PRKACB: variants seen among roughly 807,000 people sequenced by gnomAD.
The protein encoded by PRKACB is cAMP-dependent protein kinase catalytic subunit beta.
PRKACB carries 16 observed loss-of-function variants against 51.4 expected under a neutral mutation model. The ratio of observed to expected loss-of-function variants is 0.31; its 90% confidence interval spans 0.21 to 0.47. PRKACB has a LOEUF of 0.47. Among genes scored for constraint, PRKACB ranks in the 20% least tolerant of loss-of-function variants. The pLI, the probability that PRKACB is intolerant of heterozygous loss-of-function variation, is 1.00. For synonymous variants in PRKACB, 147 were observed against 154.4 expected (o/e 0.95, Z 0.35); for missense variants, 309 against 464.5 (o/e 0.67, Z 3.08).
intron 1 of PRKACB, among the ~76,000 whole-genome samples, chr1:84,159,878 G>A (rs559245242): frequency 8.5e-5 from 13 of 152,156 alleles, no homozygotes; most frequent in South Asian, 2.1e-4. Context: ...AACATAGTTC[G>A]TTAATTGATT....
intron 1 of PRKACB, among the ~76,000 whole-genome samples, chr1:84,103,588 G>A (rs1649514079): frequency 6.6e-6 from 1 of 152,130 alleles, no homozygotes; most frequent in Non-Finnish European, 1.5e-5. Flanking sequence ...GACCTCATTT[G>A]GGCTGTTCCA....
chr1:84,103,087 T>A (rs1173591966), intron 1 of PRKACB, among the ~76,000 whole-genome samples: 2 of 152,158 alleles, frequency 1.3e-5, no homozygotes, highest in African/African-American at 2.4e-5. Context: ...TTAGATTACA[T>A]CCTGGACCTT....
At chr1:84,143,912 T>C (rs1405462551), upstream of PRKACB, among the ~76,000 whole-genome samples, 1 of 152,162 alleles carries the variant, frequency 6.6e-6, no homozygotes, top group African/African-American at 2.4e-5. Context: ...ATAAAATCTG[T>C]ATATTAGTTG....
intron 5 of PRKACB, among the ~76,000 whole-genome samples, chr1:84,186,070 G>C (rs1414878121): frequency 6.6e-6 from 1 of 152,090 alleles, no homozygotes; most frequent in Non-Finnish European, 1.5e-5. Context: ...TGGGGAGCTG[G>C]CAAGCTCTGA....
chr1:84,166,456 C>G (rs906394915), intron 1 of PRKACB, among the ~76,000 whole-genome samples: 2 of 151,570 alleles, frequency 1.3e-5, no homozygotes, highest in Non-Finnish European at 3.0e-5. Context: ...TTCACTATTG[C>G]TTTATTTTTC....
At chr1:84,183,987 T>G (rs751460467) in intron 3 of PRKACB, 50 bp from the exon 4 acceptor site, 3 of 1,469,162 alleles carry the variant, frequency 2.0e-6, no homozygotes, top group Middle Eastern at 2.0e-4. Context: ...AAATGATAAC[T>G]TTTTAATTTT....
At chr1:84,175,890 C>T (rs1454733757) in intron 1 of PRKACB, 1 of 1,101,972 alleles carries the variant, frequency 9.1e-7, no homozygotes, top group South Asian at 2.2e-5. Flanking sequence ...AAAATGTATA[C>T]TTTTGGGAAT....
At chr1:84,185,041 A>G (rs1444568643) in intron 4 of PRKACB, 59 bp from the exon 5 acceptor site, 2 of 1,000,136 alleles carry the variant, frequency 2.0e-6, no homozygotes, top group Admixed American at 5.4e-5. Context: ...GCATTATATA[A>G]TATTAAAATA....
chr1:84,195,593 A>C (rs1257386278), intron 5 of PRKACB, among the ~76,000 whole-genome samples: 4 of 152,204 alleles, frequency 2.6e-5, no homozygotes, highest in Non-Finnish European at 4.4e-5. Context: ...CATCAAAATT[A>C]CACTGATCTA....
intron 1 of PRKACB, among the ~76,000 whole-genome samples, chr1:84,174,349 C>T (rs1362019269): frequency 1.3e-5 from 2 of 151,822 alleles, no homozygotes; most frequent in Non-Finnish European, 2.9e-5. Flanking sequence ...ATGCTGTATT[C>T]TCTATTATGC....
At chr1:84,197,146 T>A (rs184180310) in intron 6 of PRKACB, among the ~76,000 whole-genome samples, 2 of 152,278 alleles carry the variant, frequency 1.3e-5, no homozygotes, top group East Asian at 3.9e-4. Context: ...AGCCAATAAA[T>A]GGTAGAGTCA....
At chr1:84,234,517 C>T (rs925763875) in intron 9 of PRKACB, among the ~76,000 whole-genome samples, 3 of 152,162 alleles carry the variant, frequency 2.0e-5, no homozygotes, top group African/African-American at 7.2e-5. Context: ...CCCAGCCTCA[C>T]TGCCACCTTG....
intron 1 of PRKACB, among the ~76,000 whole-genome samples, chr1:84,150,764 T>G (rs1006052916): frequency 1.3e-5 from 2 of 152,140 alleles, no homozygotes; most frequent in Non-Finnish European, 2.9e-5. Flanking sequence ...TGCAGAACCA[T>G]GAGCCAAAAT....
chr1:84,112,537 G>A (rs1025177861), intron 1 of PRKACB, among the ~76,000 whole-genome samples: 7 of 152,004 alleles, frequency 4.6e-5, no homozygotes, highest in African/African-American at 1.4e-4. Context: ...ATACCTGGCC[G>A]TACTTTTTAA....
chr1:84,120,042 A>G (rs1017360331), intron 1 of PRKACB, among the ~76,000 whole-genome samples: 1 of 152,106 alleles, frequency 6.6e-6, no homozygotes, highest in Admixed American at 6.6e-5. Context: ...TCACTCAAAC[A>G]GAAGTAACTT....
intron 8 of PRKACB, among the ~76,000 whole-genome samples, chr1:84,210,231 A>C (rs1010104769): frequency 2.0e-5 from 3 of 152,170 alleles, no homozygotes; most frequent in Admixed American, 6.6e-5. Context: ...TGGTTGGAAA[A>C]CAATCCTAAA....
chr1:84,196,599 G>C lies in PRKACB; in HGVS notation c.561-17G>C. The C allele has an allele frequency of 6.2e-7, 1 of 1,601,572 alleles. No homozygotes were observed. The highest frequency in any genetic ancestry group is 2.3e-5 in the East Asian group (1 of 44,418). ...AACTCATTTTTACAGAAAATCAATG[G>C]TTTTATTTCTTTGCAGTGAGCCCCA... On this transcript the variant is annotated splice_polypyrimidine_tract_variant and intron_variant, in intron 5 of 9. Transcript: ENST00000370685.
intron 1 of PRKACB, among the ~76,000 whole-genome samples, chr1:84,145,306 G>A (rs922883611): frequency 2.6e-5 from 4 of 151,954 alleles, no homozygotes; most frequent in African/African-American, 9.7e-5. Context: ...TCTCACCTTG[G>A]ACCCTCCTCA....
chr1:84,085,482 A>T (rs2100750806), intron 1 of PRKACB, among the ~76,000 whole-genome samples: 1 of 152,346 alleles, frequency 6.6e-6, no homozygotes, highest in African/African-American at 2.4e-5. Context: ...CCAGCTTTAT[A>T]ATCCAATGCT....
Sources: allele counts gnomAD v4.1 joint callset (sites outside exome capture counted in the v4.1 genomes callset), GRCh38; gene constraint gnomAD v4.1.1; transcripts MANE v1.5; gene names NCBI Gene and HGNC (gene_info 2026-07-23, HGNC 2026-07-21).